MUC5AC: variants seen among roughly 807,000 people sequenced by gnomAD.
MUC5AC encodes the protein mucin 5AC, oligomeric mucus/gel-forming, also known as mucin-5AC.
MUC5AC carries 158 observed loss-of-function variants against 169.7 expected under a neutral mutation model. The observed-to-expected ratio is 0.93, with a 90% CI of 0.82 to 1.06. The LOEUF (loss-of-function observed/expected upper bound fraction) is 1.06, where lower values mean the gene tolerates loss of function less well. MUC5AC is among the 50% of genes least tolerant of loss of function. The pLI is 0.00. For synonymous variants in MUC5AC, 1,975 were observed against 1,237.0 expected (o/e 1.60, Z -12.52); for missense variants, 4,359 against 3,089.9 (o/e 1.41, Z -9.74).
chr11:1,199,598 G>C, intron 46 of MUC5AC, 97 bp from the exon 47 acceptor site: 1 of 693,746 alleles, frequency 1.4e-6, no homozygotes, highest in South Asian at 1.5e-5. Context: ...CCTGCTTGGG[G>C]CTGTCCACTC....
chr11:1,185,889 T>A lies in MUC5AC; in HGVS notation c.7744T>A (p.Ser2582Thr), dbSNP rs1860931084. The A allele has an allele frequency of 8.0e-6, 6 of 747,238 alleles. No individual in the cohort carries two copies. Among genetic ancestry groups the A allele is most frequent in the South Asian group, 2.8e-5 (2 of 71,876 alleles). 46.3% of individuals were successfully genotyped at this position (747,238 alleles called of 1,614,324 possible). The change falls in exon 31 of 49, where the codon TCT becomes ACT. Residue 2582 changes from serine (S) to threonine (T), a missense_variant. By Grantham distance (58) the Ser-to-Thr change is moderately conservative. Coordinates refer to ENST00000621226, the MANE Select transcript of MUC5AC (RefSeq NM_001304359.2). ...CCCTGTTCCTACCACGAGCACAACC[T>A]CTGCTCCTACAACCAGCACAACCTC... ...PSPVPTTSTTSAPTTSTTSGP... is the reference protein window; with the variant it reads ...PSPVPTTSTTTAPTTSTTSGP...
chr11:1,170,934 C>CTCAT (rs1860495789), intron 15 of MUC5AC, among the ~76,000 whole-genome samples: 3 of 131,812 alleles, frequency 2.3e-5, no homozygotes, highest in African/African-American at 2.9e-5. Flanking sequence ...CACCCACTCA[C>CTCAT]CCATTCACCC....
In MUC5AC at chr11:1,164,306, C is replaced by T. The variant is rs963089160; in HGVS notation, c.990C>T (p.Gly330=). The T allele has an allele frequency of 6.2e-6, 10 of 1,611,994 alleles. No individual in the cohort carries two copies. Among genetic ancestry groups the T allele is most frequent in the African/African-American group, 1.3e-5 (1 of 74,932 alleles). Residue 330 remains glycine, a synonymous_variant, in exon 8 of 49, where the codon GGC becomes GGT. Transcript: ENST00000621226. ...HAGGLPQDWR[G]PDFCPQKCPN... ...GGGGGTTGCCCCAGGACTGGCGGGG[C>T]CCTGACTTCTGCCGTGAGTGTCCCA...
intron 1 of MUC5AC, among the ~76,000 whole-genome samples, chr11:1,158,952 C>T (rs923539423): frequency 1.3e-5 from 2 of 152,240 alleles, no homozygotes; most frequent in Admixed American, 6.5e-5. Context: ...TCTGCCCCGC[C>T]GTCCCTCGTC....
chr11:1,177,358 G>T lies in MUC5AC; in HGVS notation c.2907+14G>T. The T allele has an allele frequency of 2.3e-6, 1 of 432,822 alleles. No homozygotes were observed. Among genetic ancestry groups the T allele is most frequent in the East Asian group, 3.3e-5 (1 of 30,506 alleles). 26.8% of individuals were successfully genotyped at this position (432,822 alleles called of 1,614,324 possible). A position where few individuals can be genotyped will look rare whatever the true frequency, so the allele number is the denominator to read the frequency against. Reference sequence around the variant, plus strand: ...ATTTTCCTGGGGGTGAGCGAGGCTGGGTGGTCGCATGCCCTCCAGGAGGCT... The same window carrying T: ...ATTTTCCTGGGGGTGAGCGAGGCTGTGTGGTCGCATGCCCTCCAGGAGGCT... On this transcript the variant is annotated intron_variant, in intron 23 of 48. Transcript: ENST00000621226.
At chr11:1,162,812 G>C in intron 5 of MUC5AC, 143 bp from the exon 6 acceptor site, 2 of 994,016 alleles carry the variant, frequency 2.0e-6, no homozygotes, top group South Asian at 2.8e-5. Flanking sequence ...TGGTGTCCCG[G>C]GGTCTGTGCC....
chr11:1,169,250 GTC>G, intron 15 of MUC5AC: 1 of 841,908 alleles, frequency 1.2e-6, no homozygotes, highest in Non-Finnish European at 1.4e-6. Context: ...AAGGGTACAA[GTC>G]TCTGTTGGTC....
rs148774994 is a variant in MUC5AC, at chr11:1,191,543, C to T, written c.13398C>T (p.Thr4466=). The part of the protein sequence containing the change: ...STISLPTTST[T]SAPITSMTSG... The stretch of plus-strand genomic sequence containing the variant: ...TCTCTCTCCCTACAACCAGCACAAC[C>T]TCTGCTCCTATAACCAGCATGACCT... The change falls in exon 31 of 49, where the codon ACC becomes ACT. Residue 4466 remains threonine, a synonymous_variant. Transcript: ENST00000621226. The T allele has an allele frequency of 3.1e-6, 2 of 646,850 alleles. No homozygotes were observed. Among genetic ancestry groups the T allele is most frequent in the African/African-American group, 3.7e-5 (2 of 54,704 alleles). 40.1% of individuals were successfully genotyped at this position (646,850 alleles called of 1,614,324 possible). A position where few individuals can be genotyped will look rare whatever the true frequency, so the allele number is the denominator to read the frequency against.
chr11:1,184,770 G>A lies in MUC5AC; in HGVS notation c.6625G>A (p.Val2209Met). 1 of 649,864 alleles carries A rather than the reference G, an allele frequency of 1.5e-6. No individual in the cohort carries two copies. The highest frequency in any genetic ancestry group is 1.8e-5 in the South Asian group (1 of 56,602). The allele number at this position is 649,864 out of a possible 1,614,324, so 40.3% of individuals were successfully genotyped here. A position where few individuals can be genotyped will look rare whatever the true frequency, so the allele number is the denominator to read the frequency against. The change falls in exon 31 of 49, where the codon GTG becomes ATG. Residue 2209 changes from valine (V) to methionine (M), a missense_variant. Val to Met is a conservative substitution (Grantham distance 21). Coordinates refer to ENST00000621226, the MANE Select transcript of MUC5AC (RefSeq NM_001304359.2). ...CTTCAAGATGTGCCTCAACTACGAG[G>A]TGCGTGTGCTCTGCTGCGAGACCCC... ...GPFKMCLNYE[V>M]RVLCCETPKG...
In MUC5AC at chr11:1,163,862, C is replaced by A. The variant is rs754960874; in HGVS notation, c.680-20C>A. 3 of 1,578,942 alleles carry A rather than the reference C, an allele frequency of 1.9e-6. No individual in the cohort carries two copies. The highest frequency in any genetic ancestry group is 2.3e-5 in the East Asian group (1 of 43,054). ...GGTACCGGGACCTGCAGGCAGAGCC[C>A]GCCTCTGTGCTTGCCGCAGACACCA... is the stretch of plus-strand genomic sequence containing the variant. On this transcript the variant is annotated intron_variant, in intron 6 of 48. Transcript: ENST00000621226.
Position 1,185,919 on chromosome 11 carries a change from C to A in MUC5AC, c.7774C>A (p.Pro2592Thr). The change falls in exon 31 of 49, where the codon CCT (proline) becomes ACT (threonine). Residue 2592 changes from proline to threonine, a missense_variant. Physicochemically the swap from Pro to Thr is conservative, Grantham distance 38 (BLOSUM62 -1). Coordinates refer to ENST00000621226, the MANE Select transcript of MUC5AC (RefSeq NM_001304359.2). The stretch of plus-strand genomic sequence containing the variant: ...TCCTACAACCAGCACAACCTCTGGT[C>A]CTGGAACTACTCCCAGTGCTGTTCC... ...SAPTTSTTSG[P>T]GTTPSAVPTT... 2 of 743,648 alleles carry A rather than the reference C, an allele frequency of 2.7e-6. No individual in the cohort carries two copies. The highest frequency in any genetic ancestry group is 2.5e-5 in the East Asian group (1 of 40,254). 46.1% of individuals were successfully genotyped at this position (743,648 alleles called of 1,614,324 possible).
In MUC5AC at chr11:1,195,052, TA is replaced by T; in HGVS notation, c.15232del (p.Arg5078GlyfsTer17). 1.3e-6 allele frequency: 1 copy of T among 752,424 alleles called. No homozygotes were observed. 46.6% of individuals were successfully genotyped at this position (752,424 alleles called of 1,614,324 possible). On this transcript the variant is annotated frameshift_variant, in exon 36 of 49. Coordinates refer to ENST00000621226, the MANE Select transcript of MUC5AC (RefSeq NM_001304359.2). LOFTEE classifies it high-confidence loss of function. ...ACAGGAAGGATGAGTGCCGCACGCC[TA>T]GGGGGACGGTGGTCGCTTCCTGCTC... ...NDRKDECRTP[R>X]GTVVASCSEM...
At chr11:1,158,999 C>T (rs1484698561) in intron 1 of MUC5AC, among the ~76,000 whole-genome samples, 6 of 152,352 alleles carry the variant, frequency 3.9e-5, no homozygotes, top group African/African-American at 9.6e-5. Flanking sequence ...AATTCTGTCC[C>T]GGGGCTGCTC....
intron 6 of MUC5AC, among the ~76,000 whole-genome samples, chr11:1,163,609 T>A (rs1429816191): frequency 6.6e-6 from 1 of 152,080 alleles, no homozygotes; most frequent in East Asian, 1.9e-4. Context: ...CTGGGTCAGT[T>A]GAGGCCTCAG....
Position 1,162,072 on chromosome 11 carries a change from A to C in MUC5AC, c.377A>C (p.Gln126Pro). The C allele has an allele frequency of 6.2e-7, 1 of 1,612,562 alleles. No individual in the cohort carries two copies. The highest frequency in any genetic ancestry group is 8.5e-7 in the Non-Finnish European group (1 of 1,179,770). Residue 126 changes from glutamine to proline, a missense_variant, in exon 4 of 49, where the codon CAG becomes CCG. Coordinates refer to ENST00000621226, the MANE Select transcript of MUC5AC (RefSeq NM_001304359.2). ...EDFNIQLRRS[Q>P]ESAAPTLSRV... ...TTTAACATCCAGCTACGCCGCAGCC[A>C]GGAGTCAGCGGCCCCCACGCTGAGC...
rs762379077 is a variant in MUC5AC, at chr11:1,168,712, C to A, written c.1638C>A (p.Asn546Lys). ...IAQTSLGLQL[N>K]LQLVPTMQLF... ...AGACCAGCCTGGGCCTGCAGCTGAA[C>A]CTGCAGCTGGTGCCCACCATGCAGC... The change falls in exon 14 of 49, where the codon AAC becomes AAA. Residue 546 changes from asparagine (N) to lysine (K), a missense_variant. Asn to Lys is a moderately conservative substitution (Grantham distance 94). Transcript: ENST00000621226. 6 of 1,610,616 alleles carry A rather than the reference C, an allele frequency of 3.7e-6. No individual in the cohort carries two copies. The highest frequency in any genetic ancestry group is 5.1e-6 in the Non-Finnish European group (6 of 1,178,108).
At chr11:1,195,405 A>G in intron 36 of MUC5AC, 126 bp downstream of exon 36, 1 of 430,630 alleles carries the variant, frequency 2.3e-6, no homozygotes, top group East Asian at 5.9e-5. Flanking sequence ...TGCTGGTACC[A>G]CAGACCAAGG....
At chr11:1,193,969 C>T (rs1861191161) in intron 33 of MUC5AC, 141 bp from the exon 34 acceptor site, 7 of 644,520 alleles carry the variant, frequency 1.1e-5, no homozygotes, top group Non-Finnish European at 2.8e-6. Flanking sequence ...CACGTGTGTT[C>T]TGATGACGTG....
chr11:1,187,288 C>T lies in MUC5AC; in HGVS notation c.9143C>T (p.Pro3048Leu). 2.9e-6 allele frequency: 2 copies of T among 699,318 alleles called. No homozygotes were observed. Among genetic ancestry groups the T allele is most frequent in the South Asian group, 3.0e-5 (2 of 67,638 alleles). The allele number at this position is 699,318 out of a possible 1,614,324, so 43.3% of individuals were successfully genotyped here. A position where few individuals can be genotyped will look rare whatever the true frequency, so the allele number is the denominator to read the frequency against. Residue 3048 changes from proline (P) to leucine (L), a missense_variant, in exon 31 of 49, where the codon CCA becomes CTA. Pro to Leu is a moderately conservative substitution (Grantham distance 98). Coordinates refer to ENST00000621226, the MANE Select transcript of MUC5AC (RefSeq NM_001304359.2). ...STPTSSTTSS[P>L]QTSTTSASTT... ...CCTACAAGCAGCACAACCTCCTCTC[C>T]ACAGACCAGCACAACCTCGGCTTCT... is the stretch of plus-strand genomic sequence containing the variant.
Sources: allele counts gnomAD v4.1 joint callset (sites outside exome capture counted in the v4.1 genomes callset), GRCh38; gene constraint gnomAD v4.1.1; transcripts MANE v1.5; gene names NCBI Gene and HGNC (gene_info 2026-07-23, HGNC 2026-07-21).